PDE4B: variants seen among roughly 807,000 people sequenced by gnomAD.
The protein encoded by PDE4B is phosphodiesterase 4B, also known as 3',5'-cyclic-AMP phosphodiesterase 4B.
In PDE4B, 20 loss-of-function variants were observed where a neutral mutation model predicts 82.2. The ratio of observed to expected loss-of-function variants is 0.24; its 90% CI spans 0.17 to 0.35. The LOEUF (loss-of-function observed/expected upper bound fraction) is 0.35. Among genes scored for constraint, PDE4B ranks in the 10% least tolerant of loss-of-function variants. The pLI is 1.00. For synonymous variants in PDE4B, 320 were observed against 318.9 expected (o/e 1.00, Z -0.04); for missense variants, 655 against 907.2 (o/e 0.72, Z 3.57).
At chr1:66,335,754 A>G (rs544995155) in intron 8 of PDE4B, among the ~76,000 whole-genome samples, 10 of 152,188 alleles carry the variant, frequency 6.6e-5, no homozygotes, top group Non-Finnish European at 1.5e-4. Flanking sequence ...AGGCAATGGT[A>G]TTGTTATTTA....
chr1:65,901,971 AT>A (rs1646976546), intron 1 of PDE4B, among the ~76,000 whole-genome samples: 1 of 151,808 alleles, frequency 6.6e-6, no homozygotes, highest in Non-Finnish European at 1.5e-5. Context: ...CATCCCAGAG[AT>A]TTTGTATGTG....
intron 12 of PDE4B, among the ~76,000 whole-genome samples, chr1:66,363,985 G>A (rs1663028315): frequency 6.6e-6 from 1 of 152,038 alleles, no homozygotes; most frequent in South Asian, 2.1e-4. Flanking sequence ...ACTATTAAAA[G>A]TATTTAACTG....
chr1:66,167,386 A>T (rs1001333156), intron 3 of PDE4B, among the ~76,000 whole-genome samples: 2 of 152,258 alleles, frequency 1.3e-5, no homozygotes, highest in Non-Finnish European at 2.9e-5. Flanking sequence ...GTACTGATAT[A>T]TGCTACAAAA....
intron 3 of PDE4B, among the ~76,000 whole-genome samples, chr1:66,084,695 T>C (rs1036998226): frequency 2.6e-5 from 4 of 152,106 alleles, no homozygotes; most frequent in Non-Finnish European, 5.9e-5. Flanking sequence ...GGATCAGATA[T>C]GGTAGGTCTG....
Position 65,958,746 on chromosome 1 carries a change from ACACG to A in PDE4B, c.281+39913_281+39916del, listed in dbSNP as rs751571974. ...GGTATAATGTGATACACACACACAC[ACACG>A]CGCGCGCGCGCGCGCACACACATAC... On this transcript the variant is annotated intron_variant, in intron 3 of 16. Coordinates refer to ENST00000341517, the MANE Select transcript of PDE4B (RefSeq NM_002600.4). Among the ~76,000 whole-genome samples the A allele has an allele frequency of 6.2e-5, 9 of 145,034 alleles. No individual in the cohort carries two copies. In the South Asian group the frequency reaches 1.1e-3, roughly 17 times the overall value.
At chr1:66,304,059 A>G (rs1030114360) in intron 7 of PDE4B, among the ~76,000 whole-genome samples, 3 of 152,196 alleles carry the variant, frequency 2.0e-5, no homozygotes, top group East Asian at 3.8e-4. Context: ...ATTCAGGAAG[A>G]TACAGAACCC....
chr1:66,002,106 A>G (rs1052514216), intron 3 of PDE4B, among the ~76,000 whole-genome samples: 1 of 152,148 alleles, frequency 6.6e-6, no homozygotes, highest in African/African-American at 2.4e-5. Context: ...CTAGCTATAT[A>G]TGAGAGTTCT....
intron 3 of PDE4B, among the ~76,000 whole-genome samples, chr1:65,966,640 T>A (rs773140946): frequency 6.6e-6 from 1 of 152,104 alleles, no homozygotes; most frequent in Non-Finnish European, 1.5e-5. Flanking sequence ...CTACCTGACT[T>A]CAAACTATAC....
chr1:66,158,882 T>C (rs1462172360), intron 3 of PDE4B, among the ~76,000 whole-genome samples: 1 of 152,094 alleles, frequency 6.6e-6, no homozygotes, highest in Non-Finnish European at 1.5e-5. Flanking sequence ...TTGTGGAATC[T>C]AAAAAAGATG....
intron 3 of PDE4B, among the ~76,000 whole-genome samples, chr1:66,243,261 G>A (rs1653027121): frequency 6.6e-6 from 1 of 152,192 alleles, no homozygotes; most frequent in Non-Finnish European, 1.5e-5. Flanking sequence ...GGTCTGAGGT[G>A]GGTATAGGGA....
chr1:65,821,112 A>C (rs1270356900), intron 1 of PDE4B, among the ~76,000 whole-genome samples: 2 of 152,242 alleles, frequency 1.3e-5, no homozygotes, highest in Non-Finnish European at 2.9e-5. Context: ...AGTACATTGC[A>C]TGAGACAGGG....
At chr1:65,992,742 G>A in intron 3 of PDE4B, 6 of 1,352,036 alleles carry the variant, frequency 4.4e-6, no homozygotes, top group Admixed American at 3.5e-5. Flanking sequence ...GCTATTCTTC[G>A]AGTATGCTGC....
chr1:66,058,058 G>A (rs1278112618), intron 3 of PDE4B, among the ~76,000 whole-genome samples: 1 of 152,168 alleles, frequency 6.6e-6, no homozygotes, highest in Non-Finnish European at 1.5e-5. Context: ...AGATACAATG[G>A]GGGTACAGCT....
chr1:66,073,623 A>AG (rs1656273175), intron 3 of PDE4B, among the ~76,000 whole-genome samples: 1 of 152,042 alleles, frequency 6.6e-6, no homozygotes, highest in South Asian at 2.1e-4. Context: ...TGAAAAAAAA[A>AG]TATTTGCAGC....
chr1:66,061,325 G>A (rs1655573613), intron 3 of PDE4B, among the ~76,000 whole-genome samples: 1 of 151,068 alleles, frequency 6.6e-6, no homozygotes, highest in South Asian at 2.1e-4. Context: ...TTAGAACACA[G>A]GAAAGTGGTT....
chr1:65,830,155 C>A (rs12758390), intron 1 of PDE4B, among the ~76,000 whole-genome samples: 1 of 151,922 alleles, frequency 6.6e-6, no homozygotes, highest in African/African-American at 2.4e-5. Flanking sequence ...AAAATTGGAA[C>A]AATTTGAGCA....
intron 3 of PDE4B, among the ~76,000 whole-genome samples, chr1:66,199,754 C>G (rs572246535): frequency 3.9e-5 from 6 of 152,244 alleles, no homozygotes; most frequent in African/African-American, 1.4e-4. Flanking sequence ...AATTAAATTA[C>G]CAAGAGTGAT....
chr1:66,058,105 G>A lies in PDE4B; in HGVS notation c.281+139270G>A, dbSNP rs185309108. Among the ~76,000 whole-genome samples the A allele has an allele frequency of 3.0e-4, 45 of 152,274 alleles. No homozygotes were observed. In the East Asian group the frequency reaches 8.7e-3, roughly 29 times the overall value. ...ACACCCATTCATAATGGGAGAAATT[G>A]GCCAAAACAGAGGGGCTACAGGCCC... On this transcript the variant is annotated intron_variant, in intron 3 of 16. Transcript: ENST00000341517.
intron 1 of PDE4B, among the ~76,000 whole-genome samples, chr1:65,887,412 C>CTTT (rs1285765740): frequency 0.013 from 87 of 6,908 alleles, 1 homozygote; most frequent in East Asian, 0.028. Flanking sequence ...TCTTTTTCTT[C>CTTT]TGTTTTTTTT....
Sources: allele counts gnomAD v4.1 joint callset (sites outside exome capture counted in the v4.1 genomes callset), GRCh38; gene constraint gnomAD v4.1.1; transcripts MANE v1.5; gene names NCBI Gene and HGNC (gene_info 2026-07-23, HGNC 2026-07-21).